GALNT13: variants seen among roughly 807,000 people sequenced by gnomAD.
GALNT13 encodes polypeptide N-acetylgalactosaminyltransferase 13.
A neutral mutation model predicts 64.2 loss-of-function variants in GALNT13; 28 were observed. The ratio of observed to expected loss-of-function variants is 0.44; its 90% CI spans 0.32 to 0.60. The LOEUF is 0.60. GALNT13 is among the 20% of genes least tolerant of loss of function. GALNT13 has a pLI of 0.05. For missense variants in GALNT13, 577 were observed against 669.8 expected, an observed-to-expected ratio of 0.86 and a Z score of 1.53; for synonymous variants, 214 against 224.6, an observed-to-expected ratio of 0.95 and a Z score of 0.42.
At chr2:153,303,221 C>T in the GALNT13 span, among the ~76,000 whole-genome samples, 1 of 151,670 alleles carries the variant, frequency 6.6e-6, no homozygotes, top group Admixed American at 6.6e-5. Context: ...TTTTTTTTAT[C>T]AGTGTTTTAT....
chr2:153,335,433 G>A, the GALNT13 span, among the ~76,000 whole-genome samples: 2 of 152,196 alleles, frequency 1.3e-5, no homozygotes, highest in Non-Finnish European at 2.9e-5. Flanking sequence ...CCAAGCTGAG[G>A]TGATCTCAGA....
At chr2:153,096,334 G>A in the GALNT13 span, among the ~76,000 whole-genome samples, 11 of 151,880 alleles carry the variant, frequency 7.2e-5, no homozygotes, top group African/African-American at 2.7e-4. Flanking sequence ...AACAGAATGT[G>A]TATTCTACAG....
intron 3 of GALNT13, among the ~76,000 whole-genome samples, chr2:154,072,433 G>GT (rs1376714076): frequency 2.0e-5 from 3 of 151,926 alleles, no homozygotes; most frequent in Admixed American, 6.6e-5. Flanking sequence ...CTTATAGTTT[G>GT]TTTTTTTATG....
In GALNT13 at chr2:154,451,824, A is replaced by C. The variant is rs1392779120; in HGVS notation, c.*1273A>C. The C allele has an allele frequency of 1.3e-5, 2 of 152,120 alleles. No homozygotes were observed. Among genetic ancestry groups the C allele is most frequent in the Non-Finnish European group, 2.9e-5 (2 of 68,022 alleles). The allele number at this position is 152,120 out of a possible 1,614,324, so 9.4% of individuals were successfully genotyped here. A position where few individuals can be genotyped will look rare whatever the true frequency, so the allele number is the denominator to read the frequency against. On this transcript the variant is annotated 3_prime_UTR_variant, in exon 13 of 13. Transcript: ENST00000392825. ...TTTTAAATGCTCAAAGAGTTGCCCT[A>C]TATATGCATGTTATCCATTATAAAT...
intron 4 of GALNT13, among the ~76,000 whole-genome samples, chr2:154,149,859 C>T (rs1341550800): frequency 6.6e-6 from 1 of 152,190 alleles, no homozygotes; most frequent in Non-Finnish European, 1.5e-5. Context: ...GATATACAGT[C>T]ATGTCATCTG....
At chr2:153,653,726 T>C in the GALNT13 span, among the ~76,000 whole-genome samples, 1 of 152,140 alleles carries the variant, frequency 6.6e-6, no homozygotes, top group Non-Finnish European at 1.5e-5. Context: ...AGTGGTTGCT[T>C]TAACATCTAA....
chr2:153,982,420 TG>T (rs887511590), intron 3 of GALNT13, among the ~76,000 whole-genome samples: 5 of 152,248 alleles, frequency 3.3e-5, no homozygotes, highest in Middle Eastern at 3.4e-3. Flanking sequence ...TATTGTGCTA[TG>T]TCACTTTACG....
chr2:153,346,960 G>A, the GALNT13 span, among the ~76,000 whole-genome samples: 8 of 152,266 alleles, frequency 5.3e-5, no homozygotes, highest in East Asian at 1.9e-4. Flanking sequence ...GTGGGACCAC[G>A]TGCAAGATAA....
chr2:153,479,513 C>T, the GALNT13 span, among the ~76,000 whole-genome samples: 1 of 152,076 alleles, frequency 6.6e-6, no homozygotes, highest in Non-Finnish European at 1.5e-5. Flanking sequence ...TTCTGTGGCC[C>T]TTGGGTGGAG....
intron 4 of GALNT13, among the ~76,000 whole-genome samples, chr2:154,173,821 A>C (rs759271517): frequency 6.6e-6 from 1 of 152,184 alleles, no homozygotes; most frequent in Non-Finnish European, 1.5e-5. Flanking sequence ...TGTGAAGCAA[A>C]ACTATAATGA....
At chr2:153,980,513 T>A (rs1220979516) in intron 3 of GALNT13, among the ~76,000 whole-genome samples, 5 of 152,054 alleles carry the variant, frequency 3.3e-5, no homozygotes, top group Non-Finnish European at 5.9e-5. Flanking sequence ...TAGTTTGGGA[T>A]GTTTGTAAAT....
chr2:153,572,333 A>AT, the GALNT13 span, among the ~76,000 whole-genome samples: 1 of 142,528 alleles, frequency 7.0e-6, no homozygotes, highest in Admixed American at 7.0e-5. Flanking sequence ...ATTTATTTGT[A>AT]TTTTTTCTCT....
At chr2:153,584,759 C>T in the GALNT13 span, among the ~76,000 whole-genome samples, 2 of 152,170 alleles carry the variant, frequency 1.3e-5, no homozygotes, top group African/African-American at 4.8e-5. Context: ...CAGTCCCTAG[C>T]ACAACTTCAT....
At chr2:153,351,274 G>A in the GALNT13 span, among the ~76,000 whole-genome samples, 30 of 152,184 alleles carry the variant, frequency 2.0e-4, no homozygotes, top group African/African-American at 6.3e-4. Flanking sequence ...ATACAATAAC[G>A]AGGCTAAAGT....
At chr2:153,427,897 ATTG>A in the GALNT13 span, among the ~76,000 whole-genome samples, 8 of 152,060 alleles carry the variant, frequency 5.3e-5, no homozygotes, top group African/African-American at 1.4e-4. Context: ...TTCTGATGTT[ATTG>A]TTATTGAAAA....
intron 12 of GALNT13, among the ~76,000 whole-genome samples, chr2:154,445,290 C>CT (rs1701508447): frequency 6.6e-6 from 1 of 151,394 alleles, no homozygotes; most frequent in African/African-American, 2.4e-5. Flanking sequence ...TATTTATGCC[C>CT]TGGGGTCATG....
At chr2:153,438,464 A>G in the GALNT13 span, among the ~76,000 whole-genome samples, 1 of 152,186 alleles carries the variant, frequency 6.6e-6, no homozygotes, top group Non-Finnish European at 1.5e-5. Context: ...CAGGTACACC[A>G]ATCAGATGTA....
the GALNT13 span, among the ~76,000 whole-genome samples, chr2:153,579,887 C>T: frequency 6.8e-6 from 1 of 146,752 alleles, no homozygotes; most frequent in East Asian, 1.9e-4. Context: ...CAATCCCTCA[C>T]CCCCACCTTC....
At chr2:153,676,730 A>G in the GALNT13 span, among the ~76,000 whole-genome samples, 1 of 152,120 alleles carries the variant, frequency 6.6e-6, no homozygotes, top group Non-Finnish European at 1.5e-5. Flanking sequence ...AACATATGCA[A>G]ATGAACACAT....
Sources: gnomAD v4.1 joint callset for allele counts (sites outside exome capture counted in the v4.1 genomes callset) on GRCh38, gnomAD v4.1.1 for gene constraint, MANE v1.5 for transcripts, NCBI Gene and HGNC (gene_info 2026-07-23, HGNC 2026-07-21) for gene names.